The following MACROD2 variants were observed in gnomAD, a reference collection of about 807,000 sequenced individuals.
MACROD2 encodes mono-ADP ribosylhydrolase 2, also known as ADP-ribose glycohydrolase MACROD2.
A neutral mutation model predicts 70.4 loss-of-function variants in MACROD2; 36 were observed. The ratio of observed to expected loss-of-function variants is 0.51; its 90% confidence interval spans 0.39 to 0.68. The LOEUF is 0.68. Among genes scored for constraint, MACROD2 ranks in the 30% least tolerant of loss-of-function variants. MACROD2 has a pLI of 0.00. For missense variants in MACROD2, 496 were observed against 538.4 expected (o/e 0.92, Z 0.78); for synonymous variants, 172 against 178.8 (o/e 0.96, Z 0.30).
chr20:15,803,421 A>G (rs2147075561), intron 8 of MACROD2, among the ~76,000 whole-genome samples: 1 of 152,292 alleles, frequency 6.6e-6, no homozygotes, highest in South Asian at 2.1e-4. Context: ...ATGAAAAGAA[A>G]GAGAAAATAT....
chr20:14,181,401 T>C (rs185138228), intron 3 of MACROD2, among the ~76,000 whole-genome samples: 4 of 151,974 alleles, frequency 2.6e-5, no homozygotes, highest in Admixed American at 2.0e-4. Context: ...ATCCTCACAA[T>C]AGAGTGACGA....
chr20:14,315,332 A>G (rs1354094786), intron 3 of MACROD2, among the ~76,000 whole-genome samples: 1 of 152,230 alleles, frequency 6.6e-6, no homozygotes, highest in Non-Finnish European at 1.5e-5. Context: ...AGAGTGGCTT[A>G]CGGTTTACAA....
chr20:15,658,132 T>A (rs1207662412), intron 8 of MACROD2, among the ~76,000 whole-genome samples: 1 of 150,398 alleles, frequency 6.6e-6, no homozygotes, highest in Non-Finnish European at 1.5e-5. Flanking sequence ...TAAATAATAA[T>A]TCATTAATAA....
chr20:15,166,406 CAAGAGGGCCTAG>C (rs1294346568), intron 5 of MACROD2, among the ~76,000 whole-genome samples: 7 of 152,118 alleles, frequency 4.6e-5, no homozygotes, highest in African/African-American at 1.4e-4. Context: ...GTTAGGCCTT[CAAGAGGGCCTAG>C]AAGAGGGCCC....
chr20:14,820,357 C>CTTT (rs11475238), intron 5 of MACROD2, among the ~76,000 whole-genome samples: 74 of 116,116 alleles, frequency 6.4e-4, no homozygotes, highest in Non-Finnish European at 8.5e-4. Context: ...ATTTTTCTTC[C>CTTT]TTTTTTTTTT....
intron 15 of MACROD2, among the ~76,000 whole-genome samples, chr20:15,993,436 CTT>C (rs1482509668): frequency 1.3e-5 from 2 of 151,990 alleles, no homozygotes; most frequent in Non-Finnish European, 2.9e-5. Context: ...TATCTACAGT[CTT>C]CAGCACAGTA....
intron 3 of MACROD2, among the ~76,000 whole-genome samples, chr20:14,493,153 C>T (rs1360695058): frequency 6.6e-6 from 1 of 151,690 alleles, no homozygotes; most frequent in Non-Finnish European, 1.5e-5. Flanking sequence ...TTCTATTCTA[C>T]TTGATAAAAT....
chr20:14,783,212 G>A (rs1600659097), intron 5 of MACROD2, among the ~76,000 whole-genome samples: 1 of 152,130 alleles, frequency 6.6e-6, no homozygotes, highest in Non-Finnish European at 1.5e-5. Flanking sequence ...TCCTAATGAT[G>A]TGTATGAATA....
intron 5 of MACROD2, among the ~76,000 whole-genome samples, chr20:14,794,601 G>A (rs2072489415): frequency 6.6e-6 from 1 of 152,088 alleles, no homozygotes; most frequent in African/African-American, 2.4e-5. Flanking sequence ...TCTGTAAGAA[G>A]ATGTAGAAGA....
chr20:15,729,217 G>T (rs976191757), intron 8 of MACROD2, among the ~76,000 whole-genome samples: 1 of 152,014 alleles, frequency 6.6e-6, no homozygotes, highest in African/African-American at 2.4e-5. Flanking sequence ...TATTAGTATT[G>T]ATTTCTATTT....
intron 3 of MACROD2, among the ~76,000 whole-genome samples, chr20:14,217,807 T>C (rs2081636235): frequency 1.3e-5 from 2 of 152,178 alleles, no homozygotes; most frequent in Admixed American, 1.3e-4. Context: ...AAGGTGTTCA[T>C]AGTAGCCTTG....
intron 3 of MACROD2, among the ~76,000 whole-genome samples, chr20:14,271,112 C>T (rs558686646): frequency 2.0e-5 from 3 of 152,334 alleles, no homozygotes; most frequent in South Asian, 2.1e-4. Flanking sequence ...ACTTACATGT[C>T]CCTGTCTGAC....
At chr20:14,227,640 G>C (rs1048776129) in intron 3 of MACROD2, among the ~76,000 whole-genome samples, 4 of 152,220 alleles carry the variant, frequency 2.6e-5, no homozygotes, top group East Asian at 1.9e-4. Context: ...GTAACACCGC[G>C]AGGGTCCGCG....
intron 15 of MACROD2, among the ~76,000 whole-genome samples, chr20:16,022,278 C>T (rs1375961528): frequency 6.6e-6 from 1 of 152,126 alleles, no homozygotes; most frequent in Non-Finnish European, 1.5e-5. Context: ...GTCTCGATCT[C>T]CTGACATTGT....
chr20:14,257,249 G>C (rs1322102990), intron 3 of MACROD2, among the ~76,000 whole-genome samples: 1 of 150,964 alleles, frequency 6.6e-6, no homozygotes, highest in African/African-American at 2.5e-5. Flanking sequence ...CTCTTCTCTT[G>C]GCTAGGCACC....
intron 8 of MACROD2, among the ~76,000 whole-genome samples, chr20:15,707,503 G>C (rs1445699720): frequency 1.3e-5 from 2 of 152,130 alleles, no homozygotes; most frequent in African/African-American, 4.8e-5. Flanking sequence ...TGTTTGCAAG[G>C]CTGGGCAAGG....
chr20:15,682,966 T>A (rs1389764297), intron 8 of MACROD2, among the ~76,000 whole-genome samples: 1 of 152,244 alleles, frequency 6.6e-6, no homozygotes, highest in African/African-American at 2.4e-5. Context: ...GGTAGCAATT[T>A]ATTAAATATT....
intron 3 of MACROD2, among the ~76,000 whole-genome samples, chr20:14,103,124 T>G (rs1307682892): frequency 6.6e-6 from 1 of 152,170 alleles, no homozygotes; most frequent in Non-Finnish European, 1.5e-5. Flanking sequence ...ATTTGTGCAG[T>G]CAAACTAAAC....
At chr20:15,399,031 T>G (rs2327933) in intron 6 of MACROD2, among the ~76,000 whole-genome samples, 52,992 of 151,944 alleles carry the variant, frequency 0.35, 9,657 homozygotes, top group Non-Finnish European at 0.39. Flanking sequence ...CTAGAGTCCC[T>G]ACCAATCTCT....
Sources: allele counts gnomAD v4.1 joint callset (sites outside exome capture counted in the v4.1 genomes callset), GRCh38; gene constraint gnomAD v4.1.1; transcripts MANE v1.5; gene names NCBI Gene and HGNC (gene_info 2026-07-23, HGNC 2026-07-21).